The following ZNF226 variants were observed in gnomAD, a reference collection of about 807,000 sequenced individuals.
The protein encoded by ZNF226 is Kruppel-associated box protein.
A neutral mutation model predicts 11.4 loss-of-function variants in ZNF226; 6 were observed. The observed-to-expected ratio is 0.53, with a 90% CI of 0.29 to 1.04. The LOEUF (loss-of-function observed/expected upper bound fraction) is 1.04, where lower values mean the gene tolerates loss of function less well. ZNF226 is among the 50% of genes least tolerant of loss of function. ZNF226 has a pLI of 0.08. For synonymous variants in ZNF226, 350 were observed against 322.8 expected, an observed-to-expected ratio of 1.08 and a Z score of -0.90; for missense variants, 1,058 against 956.5, an observed-to-expected ratio of 1.11 and a Z score of -1.40.
Position 44,165,791 on chromosome 19 carries a change from A to C in ZNF226, c.-63A>C, listed in dbSNP as rs893744318. The C allele has an allele frequency of 6.6e-6, 1 of 152,208 alleles. No individual in the cohort carries two copies. Among genetic ancestry groups the C allele is most frequent in the Non-Finnish European group, 1.5e-5 (1 of 68,052 alleles). The allele number at this position is 152,208 out of a possible 1,614,324, so 9.4% of individuals were successfully genotyped here. ...CTCAAAAAGCACTGCACAGAGGAGG[A>C]GGCAGCAGAACCCCATGTGAGTAAG... On this transcript the variant is annotated 5_prime_UTR_variant, in exon 2 of 6. Transcript: ENST00000337433.
downstream of ZNF226, among the ~76,000 whole-genome samples, chr19:44,183,241 A>G (rs895987295): frequency 6.6e-6 from 1 of 152,202 alleles, no homozygotes; most frequent in African/African-American, 2.4e-5. Flanking sequence ...ACCAGGTAGC[A>G]GAAGGGCTTA....
downstream of ZNF226, among the ~76,000 whole-genome samples, chr19:44,179,769 C>T (rs1905063647): frequency 6.6e-6 from 1 of 151,758 alleles, no homozygotes; most frequent in Non-Finnish European, 1.5e-5. Flanking sequence ...GAAAATCGAG[C>T]TGTGGAAAAA....
intron 3 of ZNF226, 31 bp from the exon 4 acceptor site, chr19:44,172,057 G>A (rs780216537): frequency 3.7e-6 from 6 of 1,602,886 alleles, no homozygotes; most frequent in Non-Finnish European, 5.1e-6. Context: ...GACATTGGTT[G>A]TAAGATTGAG....
chr19:44,168,252 T>G (rs967895364), intron 2 of ZNF226, among the ~76,000 whole-genome samples: 26 of 152,132 alleles, frequency 1.7e-4, no homozygotes, highest in Non-Finnish European at 2.9e-4. Flanking sequence ...GTTTTGTTTT[T>G]TTTTTTGTCT....
rs1386518277 is a variant in ZNF226, at chr19:44,176,373, G to A, written c.1111G>A (p.Ala371Thr). ...TTATAATTGTGAGGAGTGTGGGAGG[G>A]CCTTCAGTCAGGCCTCTCATCTTCA... is the stretch of plus-strand genomic sequence containing the variant. ...KPYNCEECGR[A>T]FSQASHLQDH... The change falls in exon 6 of 6, where the codon GCC becomes ACC. Residue 371 changes from alanine (A) to threonine (T), a missense_variant. Ala to Thr is a moderately conservative substitution (Grantham distance 58). Transcript: ENST00000337433. 3.1e-6 allele frequency: 5 copies of A among 1,614,144 alleles called. No individual in the cohort carries two copies. In the East Asian group the frequency reaches 6.7e-5, roughly 22 times the overall value.
intron 4 of ZNF226, 35 bp downstream of exon 4, chr19:44,172,249 C>G: frequency 6.3e-7 from 1 of 1,594,128 alleles, no homozygotes; most frequent in Middle Eastern, 1.7e-4. Context: ...ATCTTTGTGC[C>G]CTTGGAGTTT....
chr19:44,176,790 A>G lies in ZNF226; in HGVS notation c.1528A>G (p.Lys510Glu), dbSNP rs1208414398. 1 of 1,614,090 alleles carries G rather than the reference A, an allele frequency of 6.2e-7. No homozygotes were observed. Among genetic ancestry groups the G allele is most frequent in the African/African-American group, 1.3e-5 (1 of 74,996 alleles). Reference sequence around the variant, plus strand: ...GCCATACAAATGCAATGAGTGTGGGAAGAGCTTCAGGAGGAATTCCCATTA... The same window carrying G: ...GCCATACAAATGCAATGAGTGTGGGGAGAGCTTCAGGAGGAATTCCCATTA... ...EKPYKCNECG[K>E]SFRRNSHYQV... Residue 510 changes from lysine (K) to glutamate (E), a missense_variant, in exon 6 of 6, where the codon AAG becomes GAG. Coordinates refer to ENST00000337433, the MANE Select transcript of ZNF226 (RefSeq NM_001032373.2).
At chr19:44,193,707 G>A in the ZNF226 span, among the ~76,000 whole-genome samples, 1 of 151,916 alleles carries the variant, frequency 6.6e-6, no homozygotes. Context: ...AGCGAGCAGA[G>A]AAAAAAAGAG....
chr19:44,168,003 T>C (rs1320064929), intron 2 of ZNF226: 2 of 152,202 alleles, frequency 1.3e-5, no homozygotes, highest in Non-Finnish European at 2.9e-5. Context: ...GTAATTTTTA[T>C]GTTGGAGGTG....
Position 44,173,196 on chromosome 19 carries a change from T to G in ZNF226, c.235+244T>G, listed in dbSNP as rs1014644365. 7 of 551,224 alleles carry G rather than the reference T, an allele frequency of 1.3e-5. No individual in the cohort carries two copies. The African/African-American group carries it at 1.3e-4, about 10-fold the overall frequency. 34.1% of individuals were successfully genotyped at this position (551,224 alleles called of 1,614,324 possible). On this transcript the variant is annotated intron_variant, in intron 5 of 5. Coordinates refer to ENST00000337433, the MANE Select transcript of ZNF226 (RefSeq NM_001032373.2). ...TCTTCTGCTCAAAATTCTCTGTGACTTATTTTACATAGAGTAAAATCCACT... is the reference window on the plus strand; with the variant it reads ...TCTTCTGCTCAAAATTCTCTGTGACGTATTTTACATAGAGTAAAATCCACT...
chr19:44,183,849 T>C, the ZNF226 span, among the ~76,000 whole-genome samples: 1 of 152,210 alleles, frequency 6.6e-6, no homozygotes, highest in Admixed American at 6.5e-5. Context: ...TGCCTGTAAA[T>C]GTCATCCACA....
the ZNF226 span, among the ~76,000 whole-genome samples, chr19:44,186,518 G>C: frequency 1.6e-4 from 24 of 151,972 alleles, no homozygotes; most frequent in Non-Finnish European, 2.7e-4. Context: ...CTAGTATATA[G>C]AGATGCAACT....
chr19:44,176,467 G>A lies in ZNF226; in HGVS notation c.1205G>A (p.Arg402Gln), dbSNP rs771640806. The A allele has an allele frequency of 1.6e-5, 26 of 1,613,886 alleles. 1 individual carries two copies. The East Asian group carries it at 4.5e-4, about 28-fold the overall frequency. Residue 402 changes from arginine to glutamine, a missense_variant, in exon 6 of 6, where the codon CGG (arginine) becomes CAG (glutamine). Coordinates refer to ENST00000337433, the MANE Select transcript of ZNF226 (RefSeq NM_001032373.2). The part of the protein sequence containing the change: ...KCDACGKSFS[R>Q]NSHLQSHQRV... The stretch of plus-strand genomic sequence containing the variant: ...GATGCATGTGGTAAGAGCTTCAGTC[G>A]GAATTCACATCTTCAATCCCATCAA...
At position 44,170,115 on chromosome 19, in the gene ZNF226, C is replaced by T. The variant is rs2122324475; in HGVS notation, c.15+20C>T. On this transcript the variant is annotated intron_variant, in intron 3 of 5. Coordinates refer to ENST00000337433, the MANE Select transcript of ZNF226 (RefSeq NM_001032373.2). The stretch of plus-strand genomic sequence containing the variant: ...TTCAAGGTGAGTAGAGCTTGCCTTT[C>T]CCAGCTGTTAAAAATACCATTTTAG... 1 of 1,610,566 alleles carries T rather than the reference C, an allele frequency of 6.2e-7. No individual in the cohort carries two copies. Among genetic ancestry groups the T allele is most frequent in the South Asian group, 1.1e-5 (1 of 90,562 alleles).
intron 3 of ZNF226, 78 bp downstream of exon 3, chr19:44,170,173 A>G: frequency 2.0e-6 from 3 of 1,491,746 alleles, no homozygotes; most frequent in Non-Finnish European, 2.8e-6. Context: ...TTTCTTTTTC[A>G]AGTAAGAGTC....
chr19:44,186,794 T>C, the ZNF226 span, among the ~76,000 whole-genome samples: 1 of 151,964 alleles, frequency 6.6e-6, no homozygotes, highest in African/African-American at 2.4e-5. Flanking sequence ...TATTTCTCCA[T>C]TGAATATGAT....
chr19:44,169,233 C>T (rs979006101), intron 2 of ZNF226, among the ~76,000 whole-genome samples: 2 of 152,068 alleles, frequency 1.3e-5, no homozygotes, highest in African/African-American at 4.8e-5. Context: ...GTCTTCAACT[C>T]CTGACTGTAA....
the ZNF226 span, among the ~76,000 whole-genome samples, chr19:44,197,945 A>G: frequency 5.9e-5 from 9 of 152,312 alleles, no homozygotes; most frequent in Admixed American, 2.0e-4. Context: ...ATATTTTAGT[A>G]GCTATTTAAA....
At chr19:44,198,526 G>T in the ZNF226 span, among the ~76,000 whole-genome samples, 1 of 152,144 alleles carries the variant, frequency 6.6e-6, no homozygotes, top group African/African-American at 2.4e-5. Context: ...CAAAATACCA[G>T]CATCTGTATC....
Sources: gnomAD v4.1 joint callset for allele counts (sites outside exome capture counted in the v4.1 genomes callset) on GRCh38, gnomAD v4.1.1 for gene constraint, MANE v1.5 for transcripts, NCBI Gene and HGNC (gene_info 2026-07-23, HGNC 2026-07-21) for gene names.